Variants in TRPC7 observed in about 807,000 individuals in gnomAD.
The protein encoded by TRPC7 is short transient receptor potential channel 7.
TRPC7 carries 42 observed loss-of-function variants against 90.1 expected under a neutral mutation model. The observed-to-expected ratio is 0.47, with a 90% CI of 0.36 to 0.60. TRPC7 has a LOEUF of 0.60. TRPC7 is among the 20% of genes least tolerant of loss of function. TRPC7 has a pLI of 0.00. For missense variants in TRPC7, 955 were observed against 1,112.3 expected, an observed-to-expected ratio of 0.86 and a Z score of 2.01; for synonymous variants, 451 against 436.3, an observed-to-expected ratio of 1.03 and a Z score of -0.42.
intron 5 of TRPC7, among the ~76,000 whole-genome samples, chr5:136,264,994 C>T (rs765377884): frequency 3.9e-5 from 6 of 152,196 alleles, no homozygotes; most frequent in African/African-American, 1.2e-4. Flanking sequence ...ATTTAGAGAT[C>T]GAATTTAGAG....
intron 4 of TRPC7, among the ~76,000 whole-genome samples, chr5:136,274,135 A>T (rs556148986): frequency 6.6e-6 from 1 of 152,324 alleles, no homozygotes; most frequent in South Asian, 2.1e-4. Flanking sequence ...AACTAGGAAG[A>T]TGTTGCAATG....
intron 1 of TRPC7, among the ~76,000 whole-genome samples, chr5:136,359,016 C>T (rs1580995796): frequency 6.6e-6 from 1 of 152,010 alleles, no homozygotes; most frequent in African/African-American, 2.4e-5. Flanking sequence ...TTCACTTTAG[C>T]CATTTTTAAA....
intron 8 of TRPC7, among the ~76,000 whole-genome samples, chr5:136,229,033 T>C (rs1036262771): frequency 7.2e-5 from 11 of 152,224 alleles, no homozygotes; most frequent in Non-Finnish European, 2.9e-5. Flanking sequence ...TATGGCAGAT[T>C]GCCGGGGGGA....
chr5:136,361,549 C>A (rs1181897405), intron 1 of TRPC7, among the ~76,000 whole-genome samples: 1 of 152,126 alleles, frequency 6.6e-6, no homozygotes, highest in Non-Finnish European at 1.5e-5. Context: ...GGCCATAAAG[C>A]CTTTTGGAGA....
At chr5:136,231,614 A>G in intron 7 of TRPC7, 65 bp from the exon 8 acceptor site, 1 of 1,423,520 alleles carries the variant, frequency 7.0e-7, no homozygotes, top group Non-Finnish European at 9.5e-7. Context: ...TTATTCATTC[A>G]TTTATCTTGA....
chr5:136,279,243 T>C (rs540575420), intron 3 of TRPC7, among the ~76,000 whole-genome samples: 2 of 152,296 alleles, frequency 1.3e-5, no homozygotes, highest in East Asian at 1.9e-4. Context: ...ATGACCTTAA[T>C]TGTTGGGTTG....
intron 3 of TRPC7, among the ~76,000 whole-genome samples, chr5:136,302,079 C>T (rs966596574): frequency 2.0e-5 from 3 of 152,222 alleles, no homozygotes; most frequent in African/African-American, 4.8e-5. Context: ...TCACCCTTCT[C>T]TTAATTTCAA....
At chr5:136,293,059 A>G (rs1758019445) in intron 3 of TRPC7, among the ~76,000 whole-genome samples, 1 of 152,230 alleles carries the variant, frequency 6.6e-6, no homozygotes, top group Non-Finnish European at 1.5e-5. Flanking sequence ...GATTATCTCA[A>G]TAATGCAGAA....
Position 136,251,704 on chromosome 5 carries a change from C to T in TRPC7, c.1524G>A (p.Gln508=). Residue 508 remains glutamine (Q), a synonymous_variant, in exon 6 of 12, where the codon CAG becomes CAA. Transcript: ENST00000513104. ...GCGAGACATTGTGCAGCGTGTCGTC[C>T]TGCACGTGCTGGTCCACGTACAGCT... is the stretch of plus-strand genomic sequence containing the variant. ...EAQLYVDQHV[Q]DDTLHNVSLP... 1.2e-6 allele frequency: 2 copies of T among 1,613,824 alleles called. No individual in the cohort carries two copies. Among genetic ancestry groups the T allele is most frequent in the Non-Finnish European group, 1.7e-6 (2 of 1,179,780 alleles).
At chr5:136,280,719 T>A (rs912987833) in intron 3 of TRPC7, among the ~76,000 whole-genome samples, 16 of 152,232 alleles carry the variant, frequency 1.1e-4, no homozygotes, top group Non-Finnish European at 5.9e-5. Flanking sequence ...ATTTAATTTT[T>A]ATGTGTGCCA....
At chr5:136,261,663 C>T (rs1229540233) in intron 5 of TRPC7, among the ~76,000 whole-genome samples, 1 of 152,234 alleles carries the variant, frequency 6.6e-6, no homozygotes, top group Non-Finnish European at 1.5e-5. Context: ...CTTTAGCCTT[C>T]TTTGCTGGAT....
chr5:136,301,628 G>A (rs1350006700), intron 3 of TRPC7, among the ~76,000 whole-genome samples: 2 of 152,012 alleles, frequency 1.3e-5, no homozygotes, highest in African/African-American at 4.8e-5. Context: ...CCACCCTTGA[G>A]AATGTACTTT....
intron 3 of TRPC7, among the ~76,000 whole-genome samples, chr5:136,301,362 A>ATTC (rs1758380043): frequency 3.6e-5 from 1 of 27,872 alleles, no homozygotes; most frequent in African/African-American, 2.4e-4. Context: ...TTTTTTTTTA[A>ATTC]CAAATCATAG....
intron 3 of TRPC7, among the ~76,000 whole-genome samples, chr5:136,292,890 C>G (rs2149825749): frequency 6.6e-6 from 1 of 152,262 alleles, no homozygotes; most frequent in East Asian, 1.9e-4. Flanking sequence ...ATGCAAAAAT[C>G]CTCAATAAAA....
chr5:136,256,878 CT>C (rs1756702952), intron 5 of TRPC7, among the ~76,000 whole-genome samples: 2 of 152,184 alleles, frequency 1.3e-5, no homozygotes, highest in African/African-American at 2.4e-5. Context: ...GTGTTTCTTC[CT>C]TTCTTTTTCC....
At chr5:136,304,162 A>C (rs344832) in intron 3 of TRPC7, among the ~76,000 whole-genome samples, 151,913 of 152,024 alleles carry the variant, frequency 1, 75,901 homozygotes, top group Middle Eastern at 1. Flanking sequence ...AATCCAAAGC[A>C]TCCTTTGTGT....
chr5:136,292,923 A>G (rs1032820855), intron 3 of TRPC7, among the ~76,000 whole-genome samples: 6 of 152,194 alleles, frequency 3.9e-5, no homozygotes, highest in African/African-American at 1.4e-4. Flanking sequence ...GAATCCAGCA[A>G]CACATCAAAA....
intron 2 of TRPC7, among the ~76,000 whole-genome samples, chr5:136,330,899 C>G (rs868624843): frequency 3.3e-5 from 5 of 152,196 alleles, no homozygotes; most frequent in Admixed American, 6.5e-5. Flanking sequence ...ATCATCACCC[C>G]CTTTCTGAAA....
intron 3 of TRPC7, among the ~76,000 whole-genome samples, chr5:136,303,161 T>C (rs564463299): frequency 6.6e-6 from 1 of 152,270 alleles, no homozygotes; most frequent in African/African-American, 2.4e-5. Context: ...TTAATGCTCC[T>C]TTTTCTTTAT....
Sources: allele counts gnomAD v4.1 joint callset (sites outside exome capture counted in the v4.1 genomes callset), GRCh38; gene constraint gnomAD v4.1.1; transcripts MANE v1.5; gene names NCBI Gene and HGNC (gene_info 2026-07-23, HGNC 2026-07-21).